C8A: variants seen among roughly 807,000 people sequenced by gnomAD.
The protein encoded by C8A is complement component C8 alpha chain.
In C8A, 67 loss-of-function variants were observed where a neutral mutation model predicts 65.3. The observed-to-expected ratio is 1.03, with a 90% confidence interval of 0.84 to 1.26. The LOEUF (loss-of-function observed/expected upper bound fraction) is 1.26, where lower values mean the gene tolerates loss of function less well. Ranked by LOEUF, C8A falls within the 50% of genes most tolerant of loss-of-function variation. The pLI is 0.00. For synonymous variants in C8A, 290 were observed against 259.4 expected, an observed-to-expected ratio of 1.12 and a Z score of -1.13; for missense variants, 781 against 723.9, an observed-to-expected ratio of 1.08 and a Z score of -0.90.
chr1:56,887,733 C>A (rs1007407579), intron 7 of C8A, among the ~76,000 whole-genome samples: 5 of 152,118 alleles, frequency 3.3e-5, no homozygotes, highest in African/African-American at 1.2e-4. Flanking sequence ...GTAACCAAAT[C>A]AAATGTCCCT....
intron 10 of C8A, among the ~76,000 whole-genome samples, chr1:56,913,393 C>T (rs1426179039): frequency 1.3e-5 from 2 of 152,178 alleles, no homozygotes; most frequent in Non-Finnish European, 2.9e-5. Flanking sequence ...AAGGTTTGGG[C>T]AAGGAAGGTT....
chr1:56,865,566 G>A (rs896525050), intron 1 of C8A, among the ~76,000 whole-genome samples: 8 of 152,126 alleles, frequency 5.3e-5, no homozygotes, highest in African/African-American at 1.9e-4. Context: ...AATATGGGGG[G>A]ACATAAACAT....
At chr1:56,907,643 G>A (rs555234359) in intron 8 of C8A, among the ~76,000 whole-genome samples, 1 of 152,262 alleles carries the variant, frequency 6.6e-6, no homozygotes, top group South Asian at 2.1e-4. Flanking sequence ...CAGGCACTGA[G>A]TAAATATTTG....
At chr1:56,894,603 A>G (rs534037873) in intron 7 of C8A, among the ~76,000 whole-genome samples, 1 of 152,230 alleles carries the variant, frequency 6.6e-6, no homozygotes, top group South Asian at 2.1e-4. Context: ...ACAATGTCTA[A>G]AAAGCTACAG....
chr1:56,865,051 T>C (rs527629893), intron 1 of C8A, among the ~76,000 whole-genome samples: 1 of 152,238 alleles, frequency 6.6e-6, no homozygotes, highest in African/African-American at 2.4e-5. Flanking sequence ...AGAAAGTCCT[T>C]CTAGAAACAG....
At chr1:56,870,927 A>G (rs1644141539) in intron 2 of C8A, among the ~76,000 whole-genome samples, 1 of 152,200 alleles carries the variant, frequency 6.6e-6, no homozygotes. Flanking sequence ...ACCAGTTAGA[A>G]AAGAAAATTA....
chr1:56,878,738 G>A (rs182050333), intron 4 of C8A, among the ~76,000 whole-genome samples: 227 of 151,968 alleles, frequency 1.5e-3, no homozygotes, highest in African/African-American at 5.0e-3. Context: ...CCTGCACTCC[G>A]TCCAACAGCC....
chr1:56,908,753 A>C (rs1200475814), intron 9 of C8A, among the ~76,000 whole-genome samples: 1 of 152,160 alleles, frequency 6.6e-6, no homozygotes, highest in African/African-American at 2.4e-5. Flanking sequence ...GGCTCTGAAA[A>C]ATCAAGTGAA....
chr1:56,887,225 G>A (rs796500460), intron 7 of C8A, among the ~76,000 whole-genome samples: 1 of 152,270 alleles, frequency 6.6e-6, no homozygotes, highest in African/African-American at 2.4e-5. Flanking sequence ...TTCCAGTAAT[G>A]GGATTGCTGG....
chr1:56,879,543 T>G (rs1644230350), intron 4 of C8A, among the ~76,000 whole-genome samples: 1 of 152,178 alleles, frequency 6.6e-6, no homozygotes, highest in Non-Finnish European at 1.5e-5. Flanking sequence ...TGTTCAATGG[T>G]CAGGAAGATA....
At chr1:56,915,499 C>T (rs541348635) in intron 10 of C8A, among the ~76,000 whole-genome samples, 1 of 152,278 alleles carries the variant, frequency 6.6e-6, no homozygotes, top group South Asian at 2.1e-4. Context: ...TCCTGACTTC[C>T]CAAGCAGGGT....
intron 7 of C8A, among the ~76,000 whole-genome samples, chr1:56,903,463 A>G (rs1570348794): frequency 6.6e-6 from 1 of 152,178 alleles, no homozygotes; most frequent in African/African-American, 2.4e-5. Context: ...TTTCTTTTAT[A>G]AAATCACCCA....
chr1:56,865,451 AG>A (rs1644076296), intron 1 of C8A, among the ~76,000 whole-genome samples: 1 of 152,190 alleles, frequency 6.6e-6, no homozygotes, highest in Non-Finnish European at 1.5e-5. Context: ...CTCTTTAATG[AG>A]GGCACTAATT....
chr1:56,864,844 C>A (rs1284560050), intron 1 of C8A, among the ~76,000 whole-genome samples: 1 of 152,140 alleles, frequency 6.6e-6, no homozygotes, highest in Non-Finnish European at 1.5e-5. Flanking sequence ...CTCAGGGGAA[C>A]TGTAATTTCA....
intron 4 of C8A, 85 bp downstream of exon 4, chr1:56,876,294 C>G: frequency 6.5e-7 from 1 of 1,534,776 alleles, no homozygotes; most frequent in Non-Finnish European, 9.0e-7. Context: ...AGAAGGGGGC[C>G]ATTTTGGAGG....
chr1:56,885,315 A>AAG (rs1644282165), intron 6 of C8A, among the ~76,000 whole-genome samples: 1 of 117,038 alleles, frequency 8.5e-6, no homozygotes, highest in South Asian at 2.5e-4. Context: ...TATTTACATA[A>AAG]ATATATTTAT....
At chr1:56,875,860 G>A (rs1044512408) in intron 3 of C8A, among the ~76,000 whole-genome samples, 3 of 152,170 alleles carry the variant, frequency 2.0e-5, no homozygotes, top group African/African-American at 4.8e-5. Context: ...GAATTAGAGA[G>A]AGAGAAACTC....
intron 9 of C8A, 122 bp from the exon 10 acceptor site, chr1:56,912,281 T>C: frequency 2.6e-6 from 2 of 781,738 alleles, no homozygotes; most frequent in Non-Finnish European, 4.3e-6. Context: ...TGGGATAAAT[T>C]GGGTGTCTGT....
chr1:56,912,212 G>T (rs527417549), intron 9 of C8A, among the ~76,000 whole-genome samples, 191 bp from the exon 10 acceptor site: 2 of 152,144 alleles, frequency 1.3e-5, no homozygotes, highest in Non-Finnish European at 2.9e-5. Flanking sequence ...CCTTTCTTCT[G>T]CTAGGAGCTG....
Sources: gnomAD v4.1 joint callset for allele counts (sites outside exome capture counted in the v4.1 genomes callset) on GRCh38, gnomAD v4.1.1 for gene constraint, MANE v1.5 for transcripts, NCBI Gene and HGNC (gene_info 2026-07-23, HGNC 2026-07-21) for gene names.